Variants in GLIS3 observed in about 807,000 individuals in gnomAD.
GLIS3 encodes GLIS family zinc finger 3.
GLIS3 carries 53 observed loss-of-function variants against 78.6 expected under a neutral mutation model. That is an observed-to-expected ratio of 0.67 (90% CI 0.54 to 0.85). The LOEUF (loss-of-function observed/expected upper bound fraction) is 0.85. Among genes scored for constraint, GLIS3 ranks in the 40% least tolerant of loss-of-function variants. GLIS3 has a pLI of 0.00. For synonymous variants in GLIS3, 684 were observed against 509.9 expected, an observed-to-expected ratio of 1.34 and a Z score of -4.60; for missense variants, 1,703 against 1,231.1, an observed-to-expected ratio of 1.38 and a Z score of -5.74.
intron 2 of GLIS3, among the ~76,000 whole-genome samples, chr9:4,135,996 G>A (rs1416353075): frequency 6.6e-6 from 1 of 152,190 alleles, no homozygotes; most frequent in Non-Finnish European, 1.5e-5. Context: ...GTATTACTCT[G>A]AAATACAGTA....
At chr9:3,944,878 A>G (rs1403883287) in intron 4 of GLIS3, among the ~76,000 whole-genome samples, 1 of 152,238 alleles carries the variant, frequency 6.6e-6, no homozygotes, top group Non-Finnish European at 1.5e-5. Flanking sequence ...GAGGGCTTTC[A>G]TACTGTGTCG....
At chr9:3,903,173 C>T (rs748430724) in intron 6 of GLIS3, among the ~76,000 whole-genome samples, 3 of 152,138 alleles carry the variant, frequency 2.0e-5, no homozygotes, top group Middle Eastern at 3.2e-3. Context: ...GGGCCATAAA[C>T]GCGAAGAAAT....
chr9:4,211,510 G>C (rs1294546742), intron 2 of GLIS3, among the ~76,000 whole-genome samples: 1 of 152,264 alleles, frequency 6.6e-6, no homozygotes, highest in Non-Finnish European at 1.5e-5. Context: ...ACGGAGGGAT[G>C]AAAGGGCATA....
intron 1 of GLIS3, among the ~76,000 whole-genome samples, chr9:4,290,622 G>A (rs1815868386): frequency 6.6e-6 from 1 of 152,116 alleles, no homozygotes; most frequent in Admixed American, 6.5e-5. Flanking sequence ...GACAGATAGA[G>A]CTGAATGTTC....
At chr9:4,442,407 T>C in the GLIS3 span, among the ~76,000 whole-genome samples, 2 of 152,136 alleles carry the variant, frequency 1.3e-5, no homozygotes, top group Non-Finnish European at 2.9e-5. Context: ...CTGGCTTCTC[T>C]TCCCTCCCCA....
chr9:4,397,261 G>A, the GLIS3 span, among the ~76,000 whole-genome samples: 8,777 of 147,054 alleles, frequency 0.06, 680 homozygotes, highest in East Asian at 0.23. Context: ...TCCTGACCTC[G>A]TGATCCGCCC....
chr9:4,174,528 G>C (rs991194832), intron 2 of GLIS3, among the ~76,000 whole-genome samples: 1 of 152,080 alleles, frequency 6.6e-6, no homozygotes, highest in Non-Finnish European at 1.5e-5. Context: ...AAGAAAAAGA[G>C]GATTTGGATT....
At position 4,122,441 on chromosome 9, in the gene GLIS3, C is replaced by T. The variant is rs983208803; in HGVS notation, c.596+3293G>A. Among the ~76,000 whole-genome samples, 5 of 152,250 alleles carry T rather than the reference C, an allele frequency of 3.3e-5. No homozygotes were observed. The South Asian group carries it at 1.0e-3, about 32-fold the overall frequency. On this transcript the variant is annotated intron_variant, in intron 3 of 10. Coordinates refer to ENST00000381971, the MANE Select transcript of GLIS3 (RefSeq NM_001042413.2). ...AGAGCCTGGAGTGCATCCTCAACCC[C>T]CTTAGCCTTCTCTGACCTTTGTGGA...
intron 2 of GLIS3, among the ~76,000 whole-genome samples, chr9:4,257,792 C>G (rs1047436517): frequency 1.8e-4 from 28 of 151,992 alleles, no homozygotes; most frequent in African/African-American, 6.8e-4. Flanking sequence ...CCGGGATGGT[C>G]TCGATCTCCT....
At chr9:4,320,851 T>C (rs536401931) in intron 2 of GLIS3, among the ~76,000 whole-genome samples, 1 of 152,196 alleles carries the variant, frequency 6.6e-6, no homozygotes, top group Non-Finnish European at 1.5e-5. Context: ...CCATATTCAT[T>C]CTGGTCTCTC....
chr9:4,047,131 C>T (rs1221738480), intron 4 of GLIS3, among the ~76,000 whole-genome samples: 1 of 152,086 alleles, frequency 6.6e-6, no homozygotes, highest in Non-Finnish European at 1.5e-5. Flanking sequence ...GCTGTTTCCC[C>T]CATGCTGTTC....
chr9:3,981,461 C>A (rs748605113), intron 4 of GLIS3, among the ~76,000 whole-genome samples: 7 of 152,088 alleles, frequency 4.6e-5, no homozygotes, highest in Non-Finnish European at 1.0e-4. Flanking sequence ...TGCGGTCAGG[C>A]GGCAGCTCAG....
intron 2 of GLIS3, among the ~76,000 whole-genome samples, chr9:4,204,397 A>C (rs1029731241): frequency 1.3e-5 from 2 of 152,196 alleles, no homozygotes; most frequent in African/African-American, 4.8e-5. Flanking sequence ...CTCCATGCAT[A>C]CATCTGCAGG....
At chr9:4,035,283 T>C (rs1824207456) in intron 4 of GLIS3, among the ~76,000 whole-genome samples, 1 of 152,126 alleles carries the variant, frequency 6.6e-6, no homozygotes, top group African/African-American at 2.4e-5. Flanking sequence ...CTACAGATAG[T>C]GAGCCATGAT....
At chr9:3,900,479 T>A (rs1305894771) in intron 6 of GLIS3, among the ~76,000 whole-genome samples, 1 of 18,384 alleles carries the variant, frequency 5.4e-5, no homozygotes, top group African/African-American at 1.2e-4. Context: ...TTAAAGAAGA[T>A]TTGTACCCCC....
intron 10 of GLIS3, among the ~76,000 whole-genome samples, chr9:3,829,015 G>A (rs1369205148): frequency 1.3e-5 from 2 of 152,120 alleles, no homozygotes; most frequent in African/African-American, 4.8e-5. Flanking sequence ...CAATGTTCAT[G>A]GTAGTATGGA....
chr9:4,363,971 G>A, the GLIS3 span, among the ~76,000 whole-genome samples: 1 of 152,298 alleles, frequency 6.6e-6, no homozygotes, highest in South Asian at 2.1e-4. Flanking sequence ...GATTTCAAGA[G>A]TTCGCAATCT....
At chr9:4,157,786 T>C (rs563772729) in intron 2 of GLIS3, among the ~76,000 whole-genome samples, 7 of 152,278 alleles carry the variant, frequency 4.6e-5, no homozygotes, top group South Asian at 4.2e-4. Context: ...CCAGGCACAA[T>C]TGATAAGCAC....
rs1000747990 is a variant in GLIS3 at position 4,146,926 on chromosome 9, T to C, written c.389-20985A>G. ...TATTACGTTCGACTTTTAAAAACTA[T>C]CTTGCTATTATTTCTCAATTTGATT... On this transcript the variant is annotated intron_variant, in intron 2 of 10. Transcript: ENST00000381971. Among the ~76,000 whole-genome samples, 8 of 152,216 alleles carry C rather than the reference T, an allele frequency of 5.3e-5. No individual in the cohort carries two copies. The East Asian group carries it at 7.7e-4, about 15-fold the overall frequency.
Sources: gnomAD v4.1 joint callset for allele counts (sites outside exome capture counted in the v4.1 genomes callset) on GRCh38, gnomAD v4.1.1 for gene constraint, MANE v1.5 for transcripts, NCBI Gene and HGNC (gene_info 2026-07-23, HGNC 2026-07-21) for gene names.